The following DNAH9 variants were observed in gnomAD, a reference collection of about 807,000 sequenced individuals.
DNAH9 encodes dynein axonemal heavy chain 9.
A neutral mutation model predicts 471.6 loss-of-function variants in DNAH9; 345 were observed. The observed-to-expected ratio is 0.73, with a 90% confidence interval of 0.67 to 0.80. The LOEUF is 0.80. Among genes scored for constraint, DNAH9 ranks in the 30% least tolerant of loss-of-function variants. The pLI, the probability that DNAH9 is intolerant of heterozygous loss-of-function variation, is 0.00. For synonymous variants in DNAH9, 2,093 were observed against 2,123.6 expected, an observed-to-expected ratio of 0.99 and a Z score of 0.40; for missense variants, 5,407 against 5,609.2, an observed-to-expected ratio of 0.96 and a Z score of 1.15.
intron 28 of DNAH9, among the ~76,000 whole-genome samples, chr17:11,737,001 C>T (rs182038974): frequency 4.5e-4 from 68 of 152,300 alleles, no homozygotes; most frequent in African/African-American, 1.3e-3. Context: ...TTGCCAGTCA[C>T]GTAACTTGCA....
chr17:11,608,922 A>G (rs946099091), intron 2 of DNAH9, among the ~76,000 whole-genome samples: 20 of 152,080 alleles, frequency 1.3e-4, no homozygotes, highest in African/African-American at 4.8e-4. Flanking sequence ...TAGAAGTTGA[A>G]TCCACCGTCA....
intron 8 of DNAH9, among the ~76,000 whole-genome samples, chr17:11,635,229 C>T (rs1019068235): frequency 2.6e-5 from 4 of 151,614 alleles, no homozygotes; most frequent in African/African-American, 4.8e-5. Flanking sequence ...TGCAGTGGTG[C>T]GATCTCAACT....
chr17:11,884,458 G>A, intron 56 of DNAH9: 1 of 392,704 alleles, frequency 2.5e-6, no homozygotes, highest in Non-Finnish European at 5.2e-6. Context: ...TGGAGATATT[G>A]GCCCTGAGCA....
rs146001778 is a variant in DNAH9, at chr17:11,760,847, C to A, written c.6996-2593C>A. Among the ~76,000 whole-genome samples, 1,017 of 152,286 alleles carry A rather than the reference C, an allele frequency of 6.7e-3. 15 individuals are homozygous for A. Among genetic ancestry groups the A allele is most frequent in the African/African-American group, 0.023 (964 of 41,568 alleles). ...TCTTTTCACTCTCACAGCCACCCTG[C>A]GGATGGGGGAGCTGCAGCTCCGCGA... On this transcript the variant is annotated intron_variant, in intron 35 of 68. Transcript: ENST00000262442.
At chr17:11,624,592 C>A (rs1424495361) in intron 6 of DNAH9, among the ~76,000 whole-genome samples, 2 of 152,092 alleles carry the variant, frequency 1.3e-5, no homozygotes, top group East Asian at 3.9e-4. Context: ...CATAAATGAG[C>A]TCACCCATAG....
chr17:11,925,504 C>A, intron 62 of DNAH9: 1 of 255,202 alleles, frequency 3.9e-6, no homozygotes, highest in Non-Finnish European at 7.8e-6. Context: ...TTTCCTCCTT[C>A]CTCCCTCATG....
At chr17:11,625,594 C>A (rs190970405) in intron 6 of DNAH9, among the ~76,000 whole-genome samples, 1 of 152,166 alleles carries the variant, frequency 6.6e-6, no homozygotes, top group African/African-American at 2.4e-5. Context: ...AGATGGGCAG[C>A]GTGGCCTCTC....
chr17:11,846,951 CAG>C (rs1215613862), intron 49 of DNAH9, among the ~76,000 whole-genome samples: 1 of 149,732 alleles, frequency 6.7e-6, no homozygotes, highest in Non-Finnish European at 1.5e-5. Context: ...CGTCTGCAAA[CAG>C]GGACAATTTG....
At chr17:11,723,403 C>T (rs938639044) in intron 27 of DNAH9, 2 of 152,430 alleles carry the variant, frequency 1.3e-5, no homozygotes, top group African/African-American at 4.8e-5. Context: ...TGCCATTCGC[C>T]TAGTCCCAAA....
intron 1 of DNAH9, among the ~76,000 whole-genome samples, chr17:11,604,471 C>T (rs919338514): frequency 2.0e-5 from 3 of 152,126 alleles, no homozygotes; most frequent in East Asian, 1.9e-4. Flanking sequence ...AATTTGTTAT[C>T]TCCAGCCCTC....
At chr17:11,923,300 C>T (rs1020689028) in intron 61 of DNAH9, among the ~76,000 whole-genome samples, 7 of 151,842 alleles carry the variant, frequency 4.6e-5, no homozygotes, top group Non-Finnish European at 1.0e-4. Context: ...TGGTCTTGAA[C>T]TCCTGACCTC....
At chr17:11,929,777 C>T in intron 62 of DNAH9, 89 bp from the exon 63 acceptor site, 1 of 1,068,754 alleles carries the variant, frequency 9.4e-7, no homozygotes, top group African/African-American at 1.6e-5. Flanking sequence ...AGACCAGTCC[C>T]CCCTCTGGCT....
intron 36 of DNAH9, 27 bp downstream of exon 36, chr17:11,763,641 C>G (rs781570475): frequency 5.0e-6 from 8 of 1,606,642 alleles, no homozygotes; most frequent in African/African-American, 1.3e-5. Flanking sequence ...AGCTCAACAA[C>G]CACACTGAAG....
At chr17:11,645,253 A>G (rs944374769) in intron 11 of DNAH9, among the ~76,000 whole-genome samples, 1 of 152,152 alleles carries the variant, frequency 6.6e-6, no homozygotes, top group African/African-American at 2.4e-5. Flanking sequence ...GGCCGTTGAG[A>G]TTATAATTGT....
chr17:11,715,961 C>G (rs2074952847), intron 26 of DNAH9, among the ~76,000 whole-genome samples: 2 of 152,126 alleles, frequency 1.3e-5, no homozygotes, highest in Non-Finnish European at 2.9e-5. Flanking sequence ...CTAACAGGAC[C>G]TCAGAGAGAA....
intron 13 of DNAH9, among the ~76,000 whole-genome samples, chr17:11,651,632 A>G (rs1486739927): frequency 6.6e-6 from 1 of 152,140 alleles, no homozygotes; most frequent in Non-Finnish European, 1.5e-5. Flanking sequence ...AGCTCTTACT[A>G]TATTATCTTT....
At chr17:11,744,498 T>G (rs1012212816) in intron 30 of DNAH9, among the ~76,000 whole-genome samples, 2 of 152,336 alleles carry the variant, frequency 1.3e-5, no homozygotes, top group East Asian at 3.9e-4. Context: ...CAATTCTACC[T>G]GCTGAGTGTG....
intron 34 of DNAH9, 61 bp from the exon 35 acceptor site, chr17:11,757,484 G>C: frequency 7.0e-7 from 1 of 1,423,346 alleles, no homozygotes; most frequent in Non-Finnish European, 9.7e-7. Flanking sequence ...TAACTCCCTG[G>C]GGTGAAAAAT....
chr17:11,882,114 G>A (rs554186504), intron 55 of DNAH9, among the ~76,000 whole-genome samples: 13 of 152,262 alleles, frequency 8.5e-5, no homozygotes, highest in African/African-American at 3.1e-4. Flanking sequence ...TACCATAGAC[G>A]GGGTGGCTTA....
Sources: gnomAD v4.1 joint callset for allele counts (sites outside exome capture counted in the v4.1 genomes callset) on GRCh38, gnomAD v4.1.1 for gene constraint, MANE v1.5 for transcripts, NCBI Gene and HGNC (gene_info 2026-07-23, HGNC 2026-07-21) for gene names.